The following DCC variants were observed in gnomAD, a reference collection of about 807,000 sequenced individuals.
DCC encodes the protein DCC netrin 1 receptor.
Under a neutral mutation model 172.5 loss-of-function variants are expected in DCC, and 58 were observed. That is an observed-to-expected ratio of 0.34 (90% CI 0.27 to 0.42). DCC has a LOEUF of 0.42. Among genes scored for constraint, DCC ranks in the 10% least tolerant of loss-of-function variants. The pLI, the probability that DCC is intolerant of heterozygous loss-of-function variation, is 1.00. For synonymous variants in DCC, 709 were observed against 644.5 expected (o/e 1.10, Z -1.52); for missense variants, 1,740 against 1,791.0 (o/e 0.97, Z 0.51).
chr18:53,064,344 T>C (rs1300883827), intron 6 of DCC, among the ~76,000 whole-genome samples: 2 of 152,186 alleles, frequency 1.3e-5, no homozygotes, highest in Non-Finnish European at 2.9e-5. Context: ...ATGAGAGCGA[T>C]GTAAAGTTCT....
At chr18:52,895,804 G>A (rs1010946937) in intron 2 of DCC, among the ~76,000 whole-genome samples, 1 of 151,862 alleles carries the variant, frequency 6.6e-6, no homozygotes, top group East Asian at 1.9e-4. Context: ...GTTTGTTTTG[G>A]GACAGACTGT....
intron 1 of DCC, among the ~76,000 whole-genome samples, chr18:52,707,277 C>A (rs976561999): frequency 6.6e-6 from 1 of 152,134 alleles, no homozygotes; most frequent in African/African-American, 2.4e-5. Context: ...TAGATTTGAC[C>A]ATTTCAAGGT....
chr18:52,819,992 T>A (rs548645721), intron 2 of DCC, among the ~76,000 whole-genome samples: 1 of 152,276 alleles, frequency 6.6e-6, no homozygotes, highest in African/African-American at 2.4e-5. Flanking sequence ...AGTGCTGGGA[T>A]TACAGGCGTG....
chr18:53,044,449 C>T (rs541767515), intron 5 of DCC, among the ~76,000 whole-genome samples: 7 of 151,772 alleles, frequency 4.6e-5, no homozygotes, highest in African/African-American at 1.7e-4. Flanking sequence ...TATATATGAA[C>T]TGTGTGATGC....
chr18:52,499,866 A>G (rs17828125), intron 1 of DCC, among the ~76,000 whole-genome samples: 14,554 of 152,204 alleles, frequency 0.096, 820 homozygotes, highest in Middle Eastern at 0.18. Flanking sequence ...GTCCTCATAA[A>G]TCATTCTCAA....
At position 53,460,677 on chromosome 18, in the gene DCC, TCATTGTTGGA is replaced by T. The variant is rs1338219551; in HGVS notation, c.3619+1224_3619+1233del. Reference sequence around the variant, plus strand: ...TGCCACATTTTCTTAATCCAGTCTATCATTGTTGGACATTTGGGTTGGTTCCAAGTCTTTG... The same window carrying T: ...TGCCACATTTTCTTAATCCAGTCTATCATTTGGGTTGGTTCCAAGTCTTTG... On this transcript the variant is annotated intron_variant, in intron 24 of 28. Transcript: ENST00000442544. Among the ~76,000 whole-genome samples the T allele has an allele frequency of 2.0e-5, 3 of 152,156 alleles. No homozygotes were observed. In the East Asian group the frequency reaches 5.8e-4, roughly 29 times the overall value.
intron 1 of DCC, among the ~76,000 whole-genome samples, chr18:52,526,343 T>C (rs899772788): frequency 5.9e-5 from 9 of 152,192 alleles, no homozygotes; most frequent in African/African-American, 2.2e-4. Context: ...AATTATTAGC[T>C]GTTCAGTGTT....
intron 1 of DCC, among the ~76,000 whole-genome samples, chr18:52,347,151 G>A (rs185134578): frequency 1.5e-4 from 23 of 152,230 alleles, no homozygotes; most frequent in African/African-American, 5.3e-4. Flanking sequence ...ATTGTGTTCT[G>A]ATAAGAGGAC....
intron 20 of DCC, among the ~76,000 whole-genome samples, chr18:53,411,125 A>G (rs1335237003): frequency 8.5e-6 from 1 of 118,256 alleles, no homozygotes; most frequent in Non-Finnish European, 2.1e-5. Context: ...CCAAGGTAGA[A>G]ACTATAAAAA....
chr18:52,374,201 T>A (rs572133626), intron 1 of DCC, among the ~76,000 whole-genome samples: 7 of 152,254 alleles, frequency 4.6e-5, no homozygotes, highest in South Asian at 4.1e-4. Context: ...CTATATTTTT[T>A]AATCTAGATT....
intron 1 of DCC, among the ~76,000 whole-genome samples, chr18:52,700,204 A>C (rs199851998): frequency 0.062 from 3,310 of 53,718 alleles, 62 homozygotes; most frequent in East Asian, 0.19. Context: ...ACGCACATAC[A>C]CACATGCACA....
intron 24 of DCC, among the ~76,000 whole-genome samples, chr18:53,461,478 C>T (rs1433799979): frequency 6.6e-6 from 1 of 152,068 alleles, no homozygotes; most frequent in Non-Finnish European, 1.5e-5. Flanking sequence ...AGGAAGGGAT[C>T]CAGTTTCAGC....
intron 5 of DCC, among the ~76,000 whole-genome samples, chr18:52,953,673 G>A (rs376596223): frequency 1.3e-5 from 2 of 152,302 alleles, no homozygotes; most frequent in South Asian, 2.1e-4. Flanking sequence ...CCTGCCAGGC[G>A]GTTATATTTA....
chr18:52,794,189 G>A (rs75105645), intron 2 of DCC, among the ~76,000 whole-genome samples: 6,572 of 152,034 alleles, frequency 0.043, 219 homozygotes, highest in South Asian at 0.16. Context: ...TGAGAACGTC[G>A]TTGGTATTTT....
intron 17 of DCC, among the ~76,000 whole-genome samples, chr18:53,395,038 T>C (rs377762483): frequency 6.6e-6 from 1 of 151,562 alleles, no homozygotes; most frequent in South Asian, 2.1e-4. Flanking sequence ...TAATCCCAGC[T>C]ACTTGGGAGG....
intron 7 of DCC, among the ~76,000 whole-genome samples, chr18:53,107,945 C>G (rs2043274647): frequency 6.6e-6 from 1 of 151,308 alleles, no homozygotes; most frequent in East Asian, 1.9e-4. Flanking sequence ...TCTCACTGTT[C>G]TCTTTCACTT....
At chr18:52,805,892 C>A (rs1333191916) in intron 2 of DCC, among the ~76,000 whole-genome samples, 3 of 152,130 alleles carry the variant, frequency 2.0e-5, no homozygotes, top group African/African-American at 7.2e-5. Context: ...GTTGAAATAT[C>A]CTCTTTTTAT....
intron 2 of DCC, among the ~76,000 whole-genome samples, chr18:52,897,900 G>A (rs755958741): frequency 3.9e-5 from 6 of 152,186 alleles, no homozygotes; most frequent in Non-Finnish European, 7.3e-5. Context: ...GAGGGATGTG[G>A]CAAGTACAGG....
chr18:52,566,207 C>T (rs1237965592), intron 1 of DCC, among the ~76,000 whole-genome samples: 1 of 152,068 alleles, frequency 6.6e-6, no homozygotes, highest in Admixed American at 6.6e-5. Context: ...GAGTCCATGT[C>T]CTTTGCAGGG....
Sources: allele counts gnomAD v4.1 joint callset (sites outside exome capture counted in the v4.1 genomes callset), GRCh38; gene constraint gnomAD v4.1.1; transcripts MANE v1.5; gene names NCBI Gene and HGNC (gene_info 2026-07-23, HGNC 2026-07-21).